Variants in SMAD2 observed in about 807,000 individuals in gnomAD.
The protein encoded by SMAD2 is MAD homolog 2.
Under a neutral mutation model 64.4 loss-of-function variants are expected in SMAD2, and 8 were observed. The observed-to-expected ratio is 0.12, with a 90% CI of 0.07 to 0.22. SMAD2 has a LOEUF of 0.22. Ranked by LOEUF, SMAD2 falls within the 10% of genes least tolerant of loss-of-function variation. The pLI is 1.00. For synonymous variants in SMAD2, 203 were observed against 195.8 expected (o/e 1.04, Z -0.31); for missense variants, 289 against 561.2 (o/e 0.51, Z 4.90).
chr18:47,845,694 C>A lies in SMAD2; in HGVS notation c.1104G>T (p.Trp368Cys), dbSNP rs2144290178. 1 of 1,613,818 alleles carries A rather than the reference C, an allele frequency of 6.2e-7. No individual in the cohort carries two copies. The highest frequency in any genetic ancestry group is 8.5e-7 in the Non-Finnish European group (1 of 1,179,818). Residue 368 changes from tryptophan to cysteine, a missense_variant, in exon 9 of 11, where the codon TGG becomes TGT. By Grantham distance (215) the Trp-to-Cys change is radical. Around this residue, in one of 6 missense-constraint regions of SMAD2, gnomAD observed 49 missense variants for 101.1 expected, o/e 0.48. Transcript: ENST00000262160. ...QSPNCNQRYG[W>C]HPATVCKIPP... ...GAATTTTACACACTGTTGCAGGGTG[C>A]CAGCCATATCTCTGATTACAATTGG...
Position 47,815,210 on chromosome 18 carries a change from C to A in SMAD2, c.*26617G>T, listed in dbSNP as rs576173473. ...TAAGCCTGAGATAGGCTATTTGAATCGAAAGAGAACGTTATCTTTGATTGG... is the reference window on the plus strand; with the variant it reads ...TAAGCCTGAGATAGGCTATTTGAATAGAAAGAGAACGTTATCTTTGATTGG... On this transcript the variant is annotated 3_prime_UTR_variant, in exon 11 of 11. Transcript: ENST00000262160. The A allele has an allele frequency of 2.0e-5, 3 of 152,308 alleles. No homozygotes were observed. The highest frequency in any genetic ancestry group is 3.9e-4 in the East Asian group (2 of 5,182). 9.4% of individuals were successfully genotyped at this position (152,308 alleles called of 1,614,324 possible).
chr18:47,841,101 G>T lies in SMAD2; in HGVS notation c.*726C>A. 4.3e-6 allele frequency: 1 copy of T among 231,626 alleles called. No homozygotes were observed. The highest frequency in any genetic ancestry group is 6.1e-5 in the East Asian group (1 of 16,438). 14.3% of individuals were successfully genotyped at this position (231,626 alleles called of 1,614,324 possible). A position where few individuals can be genotyped will look rare whatever the true frequency, so the allele number is the denominator to read the frequency against. On this transcript the variant is annotated 3_prime_UTR_variant, in exon 11 of 11. Coordinates refer to ENST00000262160, the MANE Select transcript of SMAD2 (RefSeq NM_005901.6). ...AAATGGGAATGGAAAAAAGAGGCTT[G>T]GAAAGGTTTTCAGTATGGTTTCCTT... is the stretch of plus-strand genomic sequence containing the variant.
In SMAD2 at chr18:47,815,853, G is replaced by A. The variant is rs911026748; in HGVS notation, c.*25974C>T. ...GAGCCCATGTATGCTGTAGGAAAAAGCTAGTGGTGCCAGAGTTTAAGTTTT... is the reference window on the plus strand; with the variant it reads ...GAGCCCATGTATGCTGTAGGAAAAAACTAGTGGTGCCAGAGTTTAAGTTTT... On this transcript the variant is annotated 3_prime_UTR_variant, in exon 11 of 11. Transcript: ENST00000262160. The A allele has an allele frequency of 6.6e-6, 1 of 152,234 alleles. No individual in the cohort carries two copies. The highest frequency in any genetic ancestry group is 1.5e-5 in the Non-Finnish European group (1 of 68,054). The allele number at this position is 152,234 out of a possible 1,614,324, so 9.4% of individuals were successfully genotyped here.
chr18:47,894,793 G>C (rs2033361179), intron 2 of SMAD2, among the ~76,000 whole-genome samples: 1 of 152,180 alleles, frequency 6.6e-6, no homozygotes, highest in Admixed American at 6.5e-5. Context: ...ACTCCAGTGA[G>C]GAAGAGCACA....
intron 6 of SMAD2, among the ~76,000 whole-genome samples, chr18:47,854,960 C>CA (rs2030534405): frequency 6.6e-6 from 1 of 152,178 alleles, no homozygotes; most frequent in Non-Finnish European, 1.5e-5. Context: ...CAGTTTCAAA[C>CA]AGAGTAGTTT....
chr18:47,854,656 A>T (rs547077459), intron 6 of SMAD2, among the ~76,000 whole-genome samples: 10 of 152,116 alleles, frequency 6.6e-5, no homozygotes, highest in Non-Finnish European at 1.3e-4. Context: ...TTTTAAAAAA[A>T]ATCTGTTATA....
At chr18:47,868,887 A>T (rs1436067287) in intron 4 of SMAD2, among the ~76,000 whole-genome samples, 1 of 152,156 alleles carries the variant, frequency 6.6e-6, no homozygotes, top group African/African-American at 2.4e-5. Flanking sequence ...TGTACATACA[A>T]ATGATGTCAT....
At chr18:47,920,614 T>C (rs2144541471) in intron 1 of SMAD2, among the ~76,000 whole-genome samples, 1 of 152,358 alleles carries the variant, frequency 6.6e-6, no homozygotes, top group Non-Finnish European at 1.5e-5. Context: ...GGAGGCTTAC[T>C]TTTTTCAGTA....
At chr18:47,920,350 T>A (rs1368225594) in intron 1 of SMAD2, among the ~76,000 whole-genome samples, 1 of 152,212 alleles carries the variant, frequency 6.6e-6, no homozygotes, top group Non-Finnish European at 1.5e-5. Flanking sequence ...ACCCAATATA[T>A]CCAAAATACT....
intron 1 of SMAD2, chr18:47,922,570 G>T (rs755811236): frequency 1.3e-5 from 2 of 152,242 alleles, no homozygotes; most frequent in South Asian, 2.1e-4. Flanking sequence ...GGACTTCAGC[G>T]TTCTCATATT....
Position 47,835,272 on chromosome 18 carries a change from A to T in SMAD2, c.*6555T>A, listed in dbSNP as rs182383364. ...TATTTTGTCAAACAGTTGGGTTTTT[A>T]AAAAAATTCAAAACTCATGCATGTT... On this transcript the variant is annotated 3_prime_UTR_variant, in exon 11 of 11. Transcript: ENST00000262160. 1.4e-3 allele frequency: 302 copies of T among 212,340 alleles called. 1 individual carries two copies. Among genetic ancestry groups the T allele is most frequent in the Admixed American group, 4.4e-3 (75 of 17,094 alleles). 13.2% of individuals were successfully genotyped at this position (212,340 alleles called of 1,614,324 possible).
chr18:47,842,094 G>C (rs1655622801), intron 10 of SMAD2, 144 bp from the exon 11 acceptor site: 2 of 832,604 alleles, frequency 2.4e-6, no homozygotes, highest in Non-Finnish European at 3.9e-6. Flanking sequence ...TCCGCAAAAT[G>C]GTTGATCCTC....
At chr18:47,842,073 G>A in intron 10 of SMAD2, 123 bp from the exon 11 acceptor site, 2 of 1,097,114 alleles carry the variant, frequency 1.8e-6, no homozygotes, top group Non-Finnish European at 2.7e-6. Context: ...TATAATTTTG[G>A]ACACGATTAT....
At chr18:47,868,147 G>C in intron 5 of SMAD2, 176 bp downstream of exon 5, 1 of 611,208 alleles carries the variant, frequency 1.6e-6, no homozygotes, top group Non-Finnish European at 2.9e-6. Context: ...AAACAAAACT[G>C]TTTAATGTAC....
At position 47,837,636 on chromosome 18, in the gene SMAD2, T is replaced by C. The variant is rs1309528081; in HGVS notation, c.*4191A>G. On this transcript the variant is annotated 3_prime_UTR_variant, in exon 11 of 11. Transcript: ENST00000262160. Reference sequence around the variant, plus strand: ...CCAGCAAGTACCACCTGGATGTGTGTTGTCAGGTAGAAAGGAAGAATAAAA... The same window carrying C: ...CCAGCAAGTACCACCTGGATGTGTGCTGTCAGGTAGAAAGGAAGAATAAAA... The C allele has an allele frequency of 3.9e-5, 9 of 232,062 alleles. No individual in the cohort carries two copies. Among genetic ancestry groups the C allele is most frequent in the Non-Finnish European group, 5.1e-5 (6 of 117,556 alleles). 14.4% of individuals were successfully genotyped at this position (232,062 alleles called of 1,614,324 possible).
chr18:47,822,560 A>AG lies in SMAD2; in HGVS notation c.*19266dup, dbSNP rs1391458748. The stretch of plus-strand genomic sequence containing the variant: ...TAAATGTTTTGTTTTCCATATTTAA[A>AG]GAAATTCTCTCATGCTATCTATAGT... On this transcript the variant is annotated 3_prime_UTR_variant, in exon 11 of 11. Coordinates refer to ENST00000262160, the MANE Select transcript of SMAD2 (RefSeq NM_005901.6). The AG allele has an allele frequency of 1.3e-5, 2 of 152,100 alleles. No individual in the cohort carries two copies. The highest frequency in any genetic ancestry group is 2.9e-5 in the Non-Finnish European group (2 of 68,018). The allele number at this position is 152,100 out of a possible 1,614,324, so 9.4% of individuals were successfully genotyped here.
chr18:47,846,031 T>A (rs1914458011), intron 8 of SMAD2, among the ~76,000 whole-genome samples: 1 of 152,168 alleles, frequency 6.6e-6, no homozygotes, highest in South Asian at 2.1e-4. Flanking sequence ...ACTGAAAGTA[T>A]TTAAACAATG....
chr18:47,911,663 T>C (rs1357182554), intron 1 of SMAD2, among the ~76,000 whole-genome samples: 1 of 152,140 alleles, frequency 6.6e-6, no homozygotes, highest in East Asian at 1.9e-4. Context: ...TCTTTAGCAA[T>C]ATAGTAGAAA....
rs775613367 is a variant in SMAD2, at chr18:47,869,232, A to G, written c.520+11T>C. Reference sequence around the variant, plus strand: ...ATTCAAAACCAAGAAAAAAACTTGCAATATTCCTACCTGGTGTCTCAACTC... The same window carrying G: ...ATTCAAAACCAAGAAAAAAACTTGCGATATTCCTACCTGGTGTCTCAACTC... On this transcript the variant is annotated intron_variant, in intron 4 of 10. Coordinates refer to ENST00000262160, the MANE Select transcript of SMAD2 (RefSeq NM_005901.6). The G allele has an allele frequency of 4.4e-6, 7 of 1,605,022 alleles. No homozygotes were observed. In the South Asian group the frequency reaches 6.6e-5, roughly 15 times the overall value.
Sources: gnomAD v4.1 joint callset for allele counts (sites outside exome capture counted in the v4.1 genomes callset) on GRCh38, gnomAD v4.1.1 for gene constraint, gnomAD v4.1.1 regional missense constraint, MANE v1.5 for transcripts, NCBI Gene and HGNC (gene_info 2026-07-23, HGNC 2026-07-21) for gene names.